The following EXT1 variants were observed in gnomAD, a reference collection of about 807,000 sequenced individuals.
EXT1 encodes exostosin glycosyltransferase 1, also known as exostosin-1.
A neutral mutation model predicts 82.5 loss-of-function variants in EXT1; 20 were observed. That is an observed-to-expected ratio of 0.24 (90% CI 0.17 to 0.35). EXT1 has a LOEUF of 0.35. Among genes scored for constraint, EXT1 ranks in the 10% least tolerant of loss-of-function variants. The pLI is 1.00. For synonymous variants in EXT1, 348 were observed against 350.8 expected, an observed-to-expected ratio of 0.99 and a Z score of 0.09; for missense variants, 757 against 936.5, an observed-to-expected ratio of 0.81 and a Z score of 2.50.
chr8:118,085,048 A>G lies in EXT1; in HGVS notation c.962+25037T>C, dbSNP rs140794072. On this transcript the variant is annotated intron_variant, in intron 1 of 10. Coordinates refer to ENST00000378204, the MANE Select transcript of EXT1 (RefSeq NM_000127.3). The stretch of plus-strand genomic sequence containing the variant: ...AGCCTTTATGGCTAACAAGGTACAG[A>G]TGTTTCGATTGTTAAGCATCATACA... 3.0e-3 allele frequency among the ~76,000 whole-genome samples: 453 copies of G among 152,308 alleles called. 2 individuals are homozygous for G. The highest frequency in any genetic ancestry group is 0.01 in the African/African-American group (434 of 41,554).
chr8:117,840,956 A>G (rs550302961), intron 1 of EXT1, among the ~76,000 whole-genome samples: 17 of 152,352 alleles, frequency 1.1e-4, no homozygotes, highest in African/African-American at 4.1e-4. Flanking sequence ...AACCCTTCAT[A>G]CATTTCTAGC....
At chr8:117,985,387 C>T (rs926033878) in intron 1 of EXT1, among the ~76,000 whole-genome samples, 1 of 152,152 alleles carries the variant, frequency 6.6e-6, no homozygotes, top group Non-Finnish European at 1.5e-5. Context: ...CTGTTAATGC[C>T]TTGTAGTTCG....
At chr8:117,979,700 GTTCTACATT>G (rs1815145679) in intron 1 of EXT1, among the ~76,000 whole-genome samples, 1 of 152,106 alleles carries the variant, frequency 6.6e-6, no homozygotes, top group Admixed American at 6.5e-5. Flanking sequence ...ACAACAAAAT[GTTCTACATT>G]TTGGCCCCTA....
chr8:117,847,112 CAA>C (rs1335967581), intron 1 of EXT1, among the ~76,000 whole-genome samples: 1 of 151,996 alleles, frequency 6.6e-6, no homozygotes, highest in Admixed American at 6.6e-5. Context: ...TGTAACTACT[CAA>C]AAAAAGAGTT....
intron 1 of EXT1, among the ~76,000 whole-genome samples, chr8:118,037,841 T>C (rs1308688384): frequency 6.8e-6 from 1 of 146,262 alleles, no homozygotes; most frequent in Admixed American, 6.7e-5. Context: ...TTTTTGTTTT[T>C]TTTTTTTTTT....
At chr8:117,879,015 G>A (rs1342486272) in intron 1 of EXT1, among the ~76,000 whole-genome samples, 1 of 152,178 alleles carries the variant, frequency 6.6e-6, no homozygotes. Context: ...ATAAAATGGC[G>A]CTTAAAGCTT....
intron 1 of EXT1, among the ~76,000 whole-genome samples, chr8:118,058,061 T>G (rs1215434005): frequency 6.6e-6 from 1 of 151,652 alleles, no homozygotes; most frequent in Non-Finnish European, 1.5e-5. Context: ...GGATGTTTAG[T>G]GGCTTCAGGA....
intron 1 of EXT1, among the ~76,000 whole-genome samples, chr8:117,903,968 G>A (rs1708326923): frequency 6.6e-6 from 1 of 152,198 alleles, no homozygotes; most frequent in South Asian, 2.1e-4. Context: ...TATTTCTTAG[G>A]AACACGCGTT....
chr8:117,837,046 A>T, intron 2 of EXT1, 62 bp downstream of exon 2: 1 of 1,155,724 alleles, frequency 8.7e-7, no homozygotes, highest in Non-Finnish European at 1.3e-6. Flanking sequence ...TGATAATGTT[A>T]AACCCACTTA....
intron 1 of EXT1, among the ~76,000 whole-genome samples, chr8:118,027,053 C>A (rs1816215663): frequency 1.3e-5 from 2 of 152,116 alleles, no homozygotes; most frequent in South Asian, 4.1e-4. Flanking sequence ...CCAGCCTGGG[C>A]AACACAGTGA....
At chr8:118,040,504 G>T (rs1212639921) in intron 1 of EXT1, among the ~76,000 whole-genome samples, 1 of 152,096 alleles carries the variant, frequency 6.6e-6, no homozygotes, top group Non-Finnish European at 1.5e-5. Flanking sequence ...CTCTGTCAGT[G>T]GACATTTCCT....
chr8:118,104,011 A>G (rs7818011), intron 1 of EXT1, among the ~76,000 whole-genome samples: 88,828 of 152,080 alleles, frequency 0.58, 26,538 homozygotes, highest in Middle Eastern at 0.72. Flanking sequence ...ATTCTTTAAG[A>G]TGGTAACATT....
intron 4 of EXT1, among the ~76,000 whole-genome samples, chr8:117,823,688 A>G (rs1459258965): frequency 2.6e-5 from 4 of 152,132 alleles, no homozygotes; most frequent in African/African-American, 9.7e-5. Context: ...TAGATAAGTA[A>G]TAAAGTGGGC....
chr8:117,823,263 T>C (rs897825851), intron 4 of EXT1, among the ~76,000 whole-genome samples: 1 of 152,150 alleles, frequency 6.6e-6, no homozygotes, highest in Non-Finnish European at 1.5e-5. Context: ...AGACTAATAA[T>C]AGCCAAGCTA....
intron 1 of EXT1, among the ~76,000 whole-genome samples, chr8:117,937,608 A>G (rs532679369): frequency 1.3e-5 from 2 of 152,388 alleles, no homozygotes; most frequent in East Asian, 3.9e-4. Context: ...GCTCTTGTCA[A>G]ACGGTTTCCT....
intron 1 of EXT1, among the ~76,000 whole-genome samples, chr8:118,020,262 ACT>A (rs1816076956): frequency 6.6e-6 from 1 of 152,134 alleles, no homozygotes; most frequent in African/African-American, 2.4e-5. Flanking sequence ...TAAACAGTTC[ACT>A]CTAACACTAC....
intron 1 of EXT1, among the ~76,000 whole-genome samples, chr8:118,056,101 T>A (rs1483613529): frequency 6.6e-6 from 1 of 152,150 alleles, no homozygotes; most frequent in Non-Finnish European, 1.5e-5. Flanking sequence ...GAAAATATCA[T>A]AATGTTTTTT....
intron 1 of EXT1, among the ~76,000 whole-genome samples, chr8:118,038,613 AC>A (rs2129896640): frequency 6.6e-6 from 1 of 152,314 alleles, no homozygotes; most frequent in East Asian, 1.9e-4. Flanking sequence ...AACAGCACTT[AC>A]CATTTACCAA....
intron 1 of EXT1, among the ~76,000 whole-genome samples, chr8:117,986,196 T>TCTTTTCTA (rs770375504): frequency 2.3e-5 from 3 of 132,392 alleles, no homozygotes; most frequent in Non-Finnish European, 3.3e-5. Context: ...TCTTTTTTTT[T>TCTTTTCTA]TTTTTTTTTT....
Sources: gnomAD v4.1 joint callset for allele counts (sites outside exome capture counted in the v4.1 genomes callset) on GRCh38, gnomAD v4.1.1 for gene constraint, MANE v1.5 for transcripts, NCBI Gene and HGNC (gene_info 2026-07-23, HGNC 2026-07-21) for gene names.